PXDNL: variants seen among roughly 807,000 people sequenced by gnomAD.
PXDNL encodes probable oxidoreductase PXDNL.
In PXDNL, 145 loss-of-function variants were observed where a neutral mutation model predicts 150.8. The ratio of observed to expected loss-of-function variants is 0.96; its 90% CI spans 0.84 to 1.10. The LOEUF is 1.10. Among genes scored for constraint, PXDNL ranks in the 50% least tolerant of loss-of-function variants. The pLI is 0.00. For missense variants in PXDNL, 2,087 were observed against 1,873.9 expected (o/e 1.11, Z -2.10); for synonymous variants, 757 against 725.7 (o/e 1.04, Z -0.69).
intron 1 of PXDNL, among the ~76,000 whole-genome samples, chr8:51,705,095 C>G (rs560449711): frequency 1.3e-5 from 2 of 152,162 alleles, no homozygotes; most frequent in South Asian, 2.1e-4. Context: ...AAGACTGAGA[C>G]CAGAAAGAAT....
At chr8:51,607,480 GGCT>G (rs1295839626) in intron 2 of PXDNL, among the ~76,000 whole-genome samples, 2 of 152,052 alleles carry the variant, frequency 1.3e-5, no homozygotes, top group African/African-American at 4.8e-5. Context: ...TAAGTGCTGG[GGCT>G]GCTAACTGCA....
At chr8:51,643,149 A>G (rs561368623) in intron 2 of PXDNL, among the ~76,000 whole-genome samples, 2 of 152,312 alleles carry the variant, frequency 1.3e-5, no homozygotes, top group East Asian at 3.9e-4. Context: ...TGCCATCCCC[A>G]TCAAGCTACC....
At position 51,408,237 on chromosome 8, in the gene PXDNL, C is replaced by G. The variant is rs1227755074; in HGVS notation, c.3387G>C (p.Ala1129=). 2 of 1,613,934 alleles carry G rather than the reference C, an allele frequency of 1.2e-6. No individual in the cohort carries two copies. Among genetic ancestry groups the G allele is most frequent in the Admixed American group, 3.3e-5 (2 of 60,020 alleles). ...CCGAATCCACGGCCGCAGAATAAGC[C>G]GCGGAGAAGAGCCTCTGGGTCAGCT... is the stretch of plus-strand genomic sequence containing the variant. The part of the protein sequence containing the change: ...SPELTQRLFS[A]AYSAAVDSAA... Residue 1129 remains alanine, a synonymous_variant, in exon 17 of 23, where the codon GCG becomes GCC. Coordinates refer to ENST00000356297, the MANE Select transcript of PXDNL (RefSeq NM_144651.5).
chr8:51,402,430 A>C (rs1808283105), intron 17 of PXDNL, among the ~76,000 whole-genome samples: 1 of 151,850 alleles, frequency 6.6e-6, no homozygotes, highest in South Asian at 2.1e-4. Context: ...GAGGCAGGAG[A>C]ATCACTTGAA....
intron 17 of PXDNL, among the ~76,000 whole-genome samples, chr8:51,381,313 A>G (rs1010151609): frequency 6.6e-6 from 1 of 152,198 alleles, no homozygotes; most frequent in African/African-American, 2.4e-5. Flanking sequence ...TCTTTTGCCA[A>G]AGCATTTTGT....
At chr8:51,775,134 G>T (rs1377760094) in intron 1 of PXDNL, among the ~76,000 whole-genome samples, 1 of 152,028 alleles carries the variant, frequency 6.6e-6, no homozygotes, top group African/African-American at 2.4e-5. Flanking sequence ...ACTTAGGTAG[G>T]TTGCTTATTA....
chr8:51,719,554 T>C (rs1364134612), intron 1 of PXDNL, among the ~76,000 whole-genome samples: 1 of 152,056 alleles, frequency 6.6e-6, no homozygotes, highest in East Asian at 1.9e-4. Flanking sequence ...TTTGTTCACT[T>C]GTTTATCTGC....
chr8:51,338,407 T>C (rs1421829665), intron 21 of PXDNL, among the ~76,000 whole-genome samples: 1 of 152,168 alleles, frequency 6.6e-6, no homozygotes, highest in African/African-American at 2.4e-5. Context: ...TTAAGGGGCT[T>C]GTAGTTCACA....
rs767204951 is a variant in PXDNL, at chr8:51,345,873, G to C, written c.3976C>G (p.Pro1326Ala). The C allele has an allele frequency of 6.2e-7, 1 of 1,613,428 alleles. No homozygotes were observed. The highest frequency in any genetic ancestry group is 8.5e-7 in the Non-Finnish European group (1 of 1,179,398). The part of the protein sequence containing the change: ...QKKRSAQYSY[P>A]VDKDMELSHL... ...CTTAACTCCATATCCTTATCAACAG[G>C]ATAGCTGTATTGAGCTGAGCGTTTC... Residue 1326 changes from proline to alanine, a missense_variant, in exon 20 of 23, where the codon CCT becomes GCT. By Grantham distance (27) the Pro-to-Ala change is conservative. Coordinates refer to ENST00000356297, the MANE Select transcript of PXDNL (RefSeq NM_144651.5).
intron 2 of PXDNL, among the ~76,000 whole-genome samples, chr8:51,654,424 T>G (rs1815108176): frequency 6.6e-6 from 1 of 152,228 alleles, no homozygotes; most frequent in South Asian, 2.1e-4. Context: ...TAACCCCTCC[T>G]TCTCCCTATT....
At chr8:51,424,180 T>C (rs1400395871) in intron 13 of PXDNL, among the ~76,000 whole-genome samples, 2 of 151,966 alleles carry the variant, frequency 1.3e-5, no homozygotes, top group East Asian at 1.9e-4. Context: ...CTGGGTGACA[T>C]AGCAAGACCC....
intron 1 of PXDNL, among the ~76,000 whole-genome samples, chr8:51,785,112 T>C (rs901951140): frequency 6.6e-6 from 1 of 152,182 alleles, no homozygotes; most frequent in Admixed American, 6.5e-5. Context: ...ACATTTTAGA[T>C]GGAACAAGCT....
chr8:51,644,002 C>T (rs552605308), intron 2 of PXDNL, among the ~76,000 whole-genome samples: 20 of 151,428 alleles, frequency 1.3e-4, no homozygotes, highest in East Asian at 2.0e-4. Context: ...AAAAATTAGC[C>T]GGGCATGGTG....
intron 19 of PXDNL, among the ~76,000 whole-genome samples, chr8:51,361,557 C>G (rs1431070235): frequency 2.0e-5 from 3 of 152,286 alleles, no homozygotes; most frequent in East Asian, 1.9e-4. Context: ...ATATCAGACT[C>G]TGGAAGCAGC....
chr8:51,333,758 A>C (rs1240503395), intron 21 of PXDNL, among the ~76,000 whole-genome samples: 3 of 152,250 alleles, frequency 2.0e-5, no homozygotes, highest in Non-Finnish European at 4.4e-5. Context: ...CTTGTCCAAC[A>C]GGACAATATC....
intron 2 of PXDNL, among the ~76,000 whole-genome samples, chr8:51,629,888 A>G (rs1039648304): frequency 6.6e-6 from 1 of 152,212 alleles, no homozygotes; most frequent in Non-Finnish European, 1.5e-5. Flanking sequence ...ATTCAATGCT[A>G]TTCGTAGCAA....
At chr8:51,551,318 T>A (rs192185732) in intron 4 of PXDNL, among the ~76,000 whole-genome samples, 1 of 152,008 alleles carries the variant, frequency 6.6e-6, no homozygotes, top group Non-Finnish European at 1.5e-5. Flanking sequence ...CATAGAACTA[T>A]GAAAAACAAT....
intron 1 of PXDNL, among the ~76,000 whole-genome samples, chr8:51,728,896 TC>T (rs1486006979): frequency 6.6e-6 from 1 of 152,146 alleles, no homozygotes; most frequent in African/African-American, 2.4e-5. Context: ...CTCACTGACT[TC>T]CCCCAGAGCA....
At chr8:51,740,350 A>G (rs1423775861) in intron 1 of PXDNL, among the ~76,000 whole-genome samples, 1 of 152,202 alleles carries the variant, frequency 6.6e-6, no homozygotes, top group Non-Finnish European at 1.5e-5. Flanking sequence ...TATACCCAGT[A>G]ATAATATTGC....
Sources: gnomAD v4.1 joint callset for allele counts (sites outside exome capture counted in the v4.1 genomes callset) on GRCh38, gnomAD v4.1.1 for gene constraint, MANE v1.5 for transcripts, NCBI Gene and HGNC (gene_info 2026-07-23, HGNC 2026-07-21) for gene names.